Variants in SLC6A2 observed in about 807,000 individuals in gnomAD.
SLC6A2 encodes solute carrier family 6 member 2, also known as sodium-dependent noradrenaline transporter.
A neutral mutation model predicts 71.7 loss-of-function variants in SLC6A2; 26 were observed. That is an observed-to-expected ratio of 0.36 (90% confidence interval 0.27 to 0.50). The LOEUF (loss-of-function observed/expected upper bound fraction) is 0.50. Ranked by LOEUF, SLC6A2 falls within the 20% of genes least tolerant of loss-of-function variation. SLC6A2 has a pLI of 0.96. For synonymous variants in SLC6A2, 363 were observed against 337.9 expected, an observed-to-expected ratio of 1.07 and a Z score of -0.82; for missense variants, 581 against 803.9, an observed-to-expected ratio of 0.72 and a Z score of 3.35.
Position 55,656,845 on chromosome 16 carries a change from G to A in SLC6A2, c.151G>A (p.Gly51Ser). The change falls in exon 2 of 15, where the codon GGC becomes AGC. Residue 51 changes from glycine (G) to serine (S), a missense_variant. Coordinates refer to ENST00000568943, the MANE Select transcript of SLC6A2 (RefSeq NM_001172501.3). This position sits in a 1 kb window ranked among gnomAD's most constrained non-coding sequence, Gnocchi z 4.5. ...CCAGTGCCTGCTGGCGCCCCGCGAC[G>A]GCGACGCGCAGCCCCGGGAGACCTG... ...GVQCLLAPRD[G>S]DAQPRETWGK... 6.2e-7 allele frequency: 1 copy of A among 1,613,704 alleles called. No individual in the cohort carries two copies. Among genetic ancestry groups the A allele is most frequent in the Non-Finnish European group, 8.5e-7 (1 of 1,179,828 alleles).
At position 55,667,291 on chromosome 16, in the gene SLC6A2, T is replaced by A. The variant is rs191299810; in HGVS notation, c.275-2274T>A. On this transcript the variant is annotated intron_variant, in intron 2 of 14. Transcript: ENST00000568943. ...AGTTGGCCACAAGGCAGAGTGGGGC[T>A]GCGCCAGATCCAGGTTTGAAGCCAA... Among the ~76,000 whole-genome samples, 224 of 152,356 alleles carry A rather than the reference T, an allele frequency of 1.5e-3. 1 individual carries two copies. The highest frequency in any genetic ancestry group is 4.9e-3 in the African/African-American group (205 of 41,592).
intron 5 of SLC6A2, among the ~76,000 whole-genome samples, chr16:55,685,961 A>G (rs1965438199): frequency 6.6e-6 from 1 of 152,188 alleles, no homozygotes; most frequent in Non-Finnish European, 1.5e-5. Context: ...AGCCCAAGGA[A>G]CATCATGGGA....
At chr16:55,660,051 G>A (rs1456813302) in intron 2 of SLC6A2, among the ~76,000 whole-genome samples, 1 of 152,170 alleles carries the variant, frequency 6.6e-6, no homozygotes, top group African/African-American at 2.4e-5. Context: ...TTAGACAAAT[G>A]CTCTAAAGGC....
intron 2 of SLC6A2, among the ~76,000 whole-genome samples, chr16:55,667,948 T>C (rs1964799688): frequency 6.6e-6 from 1 of 152,232 alleles, no homozygotes; most frequent in Non-Finnish European, 1.5e-5. Context: ...TCTCCAACCC[T>C]CAGTTTCCTC....
chr16:55,698,624 G>A (rs1965874734), intron 11 of SLC6A2, 56 bp downstream of exon 11: 2 of 1,256,632 alleles, frequency 1.6e-6, no homozygotes, highest in South Asian at 1.2e-5. Flanking sequence ...TCCTGCACCT[G>A]GAGGTGTGCA....
chr16:55,691,496 A>G (rs1318006387), intron 5 of SLC6A2, among the ~76,000 whole-genome samples: 2 of 152,076 alleles, frequency 1.3e-5, no homozygotes, highest in Non-Finnish European at 2.9e-5. Flanking sequence ...CAGGTACCTC[A>G]CCACCTCTCT....
At chr16:55,672,887 G>T (rs575953024) in intron 4 of SLC6A2, among the ~76,000 whole-genome samples, 1 of 152,168 alleles carries the variant, frequency 6.6e-6, no homozygotes, top group Non-Finnish European at 1.5e-5. Flanking sequence ...TTGAAATACC[G>T]TTATACATTA....
chr16:55,683,014 G>A (rs1193150138), intron 4 of SLC6A2, among the ~76,000 whole-genome samples: 3 of 152,220 alleles, frequency 2.0e-5, no homozygotes, highest in African/African-American at 4.8e-5. Context: ...CTCACAGCCG[G>A]CCTTCAGTGA....
At chr16:55,670,069 C>A (rs574877673) in intron 3 of SLC6A2, among the ~76,000 whole-genome samples, 1 of 152,130 alleles carries the variant, frequency 6.6e-6, no homozygotes, top group Non-Finnish European at 1.5e-5. Context: ...TGAGCCCAGC[C>A]GGAAAGCTGA....
chr16:55,668,957 C>CT (rs1596960104), intron 2 of SLC6A2, among the ~76,000 whole-genome samples: 5 of 152,284 alleles, frequency 3.3e-5, no homozygotes, highest in Admixed American at 2.0e-4. Context: ...TCAGTTTGCC[C>CT]TGGGGGTACG....
chr16:55,656,784 T>C lies in SLC6A2; in HGVS notation c.90T>C (p.Thr30=). The C allele has an allele frequency of 2.5e-6, 4 of 1,613,288 alleles. No homozygotes were observed. Among genetic ancestry groups the C allele is most frequent in the Non-Finnish European group, 3.4e-6 (4 of 1,179,788 alleles). ...AGCAGCCCCTTCGGGCGCGCAAAAC[T>C]GCGGAGCTGCTGGTGGTGAAGGAGC... ...GPEQPLRARK[T]AELLVVKERN... Residue 30 remains threonine, a synonymous_variant, in exon 2 of 15, where the codon ACT becomes ACC. Transcript: ENST00000568943. This position sits in a 1 kb window ranked among gnomAD's most constrained non-coding sequence, Gnocchi z 4.5.
Position 55,700,420 on chromosome 16 carries a change from G to A in SLC6A2, c.1758+114G>A, listed in dbSNP as rs1965938828. On this transcript the variant is annotated intron_variant, in intron 13 of 14. Coordinates refer to ENST00000568943, the MANE Select transcript of SLC6A2 (RefSeq NM_001172501.3). ...GGGACAGAAGGACACAGACACTAGG[G>A]TCAAACGGACCCACCTCATTGGCCA... The A allele has an allele frequency of 5.5e-6, 5 of 908,844 alleles. No individual in the cohort carries two copies. In the South Asian group the frequency reaches 6.9e-5, roughly 13 times the overall value. 56.3% of individuals were successfully genotyped at this position (908,844 alleles called of 1,614,324 possible).
At position 55,669,642 on chromosome 16, in the gene SLC6A2, C is replaced by T; in HGVS notation, c.352C>T (p.Gln118Ter). ...GTTCTACATGGAGCTGGCTCTGGGA[C>T]AGTACAACCGGGAGGGGGCTGCCAC... ...PLFYMELALGQYNREGAATVW... is the reference protein window; with the variant it reads ...PLFYMELALG Residue 118 changes from glutamine (Q) to a stop codon, truncating the protein, a stop_gained, in exon 3 of 15, where the codon CAG becomes TAG. Coordinates refer to ENST00000568943, the MANE Select transcript of SLC6A2 (RefSeq NM_001172501.3). LOFTEE classifies it high-confidence loss of function. 1 of 1,614,084 alleles carries T rather than the reference C, an allele frequency of 6.2e-7. No homozygotes were observed. Among genetic ancestry groups the T allele is most frequent in the East Asian group, 2.2e-5 (1 of 44,874 alleles).
chr16:55,688,940 T>C (rs1313896039), intron 5 of SLC6A2, among the ~76,000 whole-genome samples: 21 of 152,190 alleles, frequency 1.4e-4, no homozygotes, highest in Non-Finnish European at 1.5e-5. Flanking sequence ...ACCACACAAA[T>C]TATCCATAGA....
intron 8 of SLC6A2, among the ~76,000 whole-genome samples, chr16:55,695,685 C>T (rs914874112): frequency 2.0e-5 from 3 of 152,204 alleles, no homozygotes; most frequent in South Asian, 2.1e-4. Flanking sequence ...CTTGACATAC[C>T]TCCACTTAGT....
intron 3 of SLC6A2, among the ~76,000 whole-genome samples, chr16:55,670,835 G>A (rs1387779469): frequency 2.6e-5 from 4 of 152,182 alleles, no homozygotes; most frequent in African/African-American, 7.2e-5. Context: ...GATTGGCCAG[G>A]CATACATCTT....
chr16:55,684,644 A>G (rs922496531), intron 4 of SLC6A2, among the ~76,000 whole-genome samples: 4 of 152,166 alleles, frequency 2.6e-5, no homozygotes, highest in Non-Finnish European at 5.9e-5. Context: ...TGTCCTGTAC[A>G]TTGCAGTATG....
chr16:55,659,943 G>C (rs9937434), intron 2 of SLC6A2, among the ~76,000 whole-genome samples: 94,574 of 152,054 alleles, frequency 0.62, 29,744 homozygotes, highest in Non-Finnish European at 0.66. Context: ...AATAACTCAT[G>C]GAGAGCCTGG....
chr16:55,701,822 C>T (rs1201703688), intron 13 of SLC6A2, 41 bp from the exon 14 acceptor site: 1 of 1,539,036 alleles, frequency 6.5e-7, no homozygotes, highest in Non-Finnish European at 9.0e-7. Flanking sequence ...AAGGGTGTCC[C>T]TGGGCCAAGC....
Sources: gnomAD v4.1 joint callset for allele counts (sites outside exome capture counted in the v4.1 genomes callset) on GRCh38, gnomAD v4.1.1 for gene constraint, Gnocchi (gnomAD v3.1) non-coding constraint, MANE v1.5 for transcripts, NCBI Gene and HGNC (gene_info 2026-07-23, HGNC 2026-07-21) for gene names.